The following CPPED1 variants were observed in gnomAD, a reference collection of about 807,000 sequenced individuals.
The protein encoded by CPPED1 is serine/threonine-protein phosphatase CPPED1.
CPPED1 carries 28 observed loss-of-function variants against 28.0 expected under a neutral mutation model. The observed-to-expected ratio is 1.00, with a 90% confidence interval of 0.74 to 1.37. The LOEUF (loss-of-function observed/expected upper bound fraction) is 1.37, where lower values mean the gene tolerates loss of function less well. CPPED1 is among the 40% of genes most tolerant of loss of function. The pLI is 0.00. For missense variants in CPPED1, 504 were observed against 416.5 expected (o/e 1.21, Z -1.83); for synonymous variants, 198 against 180.2 (o/e 1.10, Z -0.79).
At chr16:12,779,961 C>T (rs1040111944) in intron 2 of CPPED1, among the ~76,000 whole-genome samples, 2 of 152,154 alleles carry the variant, frequency 1.3e-5, no homozygotes, top group African/African-American at 2.4e-5. Context: ...TGGGCTTTAT[C>T]TTTGCCTGGG....
At position 12,661,454 on chromosome 16, in the gene CPPED1, ATTAT is replaced by A. The variant is rs1284591042; in HGVS notation, c.*3428_*3431del. The A allele has an allele frequency of 2.6e-5, 4 of 152,250 alleles. No individual in the cohort carries two copies. The highest frequency in any genetic ancestry group is 4.8e-5 in the African/African-American group (2 of 41,458). The allele number at this position is 152,250 out of a possible 1,614,324, so 9.4% of individuals were successfully genotyped here. On this transcript the variant is annotated 3_prime_UTR_variant, in exon 4 of 4. Transcript: ENST00000381774. ...AACTTGACTAAAGATGTGAGATAAA[ATTAT>A]TTATTGTAAAAAGTAAATGATCATC...
chr16:12,764,835 C>T (rs1384920084), intron 2 of CPPED1, among the ~76,000 whole-genome samples: 1 of 152,326 alleles, frequency 6.6e-6, no homozygotes, highest in Non-Finnish European at 1.5e-5. Context: ...TGAGGACAGA[C>T]ACCGTATTTG....
intron 2 of CPPED1, among the ~76,000 whole-genome samples, chr16:12,773,699 G>A (rs1049141269): frequency 3.9e-5 from 6 of 152,144 alleles, no homozygotes; most frequent in East Asian, 1.9e-4. Flanking sequence ...CAGCCTGGGC[G>A]ACAGAGTGAG....
At chr16:12,700,394 C>T (rs1390024859) in intron 3 of CPPED1, among the ~76,000 whole-genome samples, 1 of 152,200 alleles carries the variant, frequency 6.6e-6, no homozygotes, top group African/African-American at 2.4e-5. Context: ...CCACAGAGGC[C>T]ACGTGTTGAA....
At chr16:12,787,033 C>T (rs2080567696) in intron 1 of CPPED1, among the ~76,000 whole-genome samples, 3 of 152,168 alleles carry the variant, frequency 2.0e-5, no homozygotes, top group African/African-American at 7.2e-5. Flanking sequence ...TGTATGTGTA[C>T]ACCCATACGT....
intron 1 of CPPED1, among the ~76,000 whole-genome samples, chr16:12,795,553 TG>T (rs1221549739): frequency 2.0e-5 from 3 of 151,882 alleles, no homozygotes; most frequent in Non-Finnish European, 4.4e-5. Flanking sequence ...TTGGCCAGGC[TG>T]GTCTCAAACT....
At chr16:12,678,502 C>A (rs976718353) in intron 3 of CPPED1, among the ~76,000 whole-genome samples, 1 of 152,038 alleles carries the variant, frequency 6.6e-6, no homozygotes, top group East Asian at 1.9e-4. Context: ...GGGGAAATGC[C>A]GTATTAACAT....
At chr16:12,751,978 C>G (rs775999035) in intron 2 of CPPED1, among the ~76,000 whole-genome samples, 1 of 152,130 alleles carries the variant, frequency 6.6e-6, no homozygotes, top group Non-Finnish European at 1.5e-5. Context: ...AAGTAAAAAG[C>G]AAGCTTCCTA....
chr16:12,704,845 G>C lies in CPPED1; in HGVS notation c.494C>G (p.Ser165Cys). The C allele has an allele frequency of 6.2e-7, 1 of 1,614,200 alleles. No individual in the cohort carries two copies. Among genetic ancestry groups the C allele is most frequent in the Non-Finnish European group, 8.5e-7 (1 of 1,180,026 alleles). ...TTTGGAGGGGTTCTCGTAGAACTGG[G>C]AGTTGAGGACCAGGAACAGGACGCC... is the stretch of plus-strand genomic sequence containing the variant. ...VGGVLFLVLN[S>C]QFYENPSKCP... The change falls in exon 3 of 4, where the codon TCC becomes TGC. Residue 165 changes from serine to cysteine, a missense_variant. By Grantham distance (112) the Ser-to-Cys change is moderately radical. Coordinates refer to ENST00000381774, the MANE Select transcript of CPPED1 (RefSeq NM_018340.3).
chr16:12,718,344 G>A (rs1357964582), intron 2 of CPPED1, among the ~76,000 whole-genome samples: 2 of 152,128 alleles, frequency 1.3e-5, no homozygotes, highest in African/African-American at 2.4e-5. Flanking sequence ...TTCGAGACCA[G>A]CTTGGCCAAC....
chr16:12,662,589 T>C lies in CPPED1; in HGVS notation c.*2297A>G, dbSNP rs957397931. The C allele has an allele frequency of 6.6e-6, 1 of 152,190 alleles. No homozygotes were observed. Among genetic ancestry groups the C allele is most frequent in the Admixed American group, 6.5e-5 (1 of 15,282 alleles). 9.4% of individuals were successfully genotyped at this position (152,190 alleles called of 1,614,324 possible). ...TTGTTCCACACTCTATGTTCATGGG[T>C]ACACTTTATGTAGCTCCCATTTATG... On this transcript the variant is annotated 3_prime_UTR_variant, in exon 4 of 4. Coordinates refer to ENST00000381774, the MANE Select transcript of CPPED1 (RefSeq NM_018340.3).
chr16:12,766,891 C>T (rs1404436105), intron 2 of CPPED1, among the ~76,000 whole-genome samples: 3 of 152,294 alleles, frequency 2.0e-5, no homozygotes, highest in South Asian at 2.1e-4. Context: ...ATTTGCCTAA[C>T]GGCCTCTACA....
intron 2 of CPPED1, among the ~76,000 whole-genome samples, chr16:12,715,782 C>T (rs1388084071): frequency 1.3e-5 from 2 of 152,174 alleles, no homozygotes; most frequent in African/African-American, 2.4e-5. Context: ...CCAGCTTCAC[C>T]GTCCCAAAGT....
intron 2 of CPPED1, among the ~76,000 whole-genome samples, chr16:12,746,835 T>C (rs1413372991): frequency 6.6e-6 from 1 of 151,912 alleles, no homozygotes; most frequent in Admixed American, 6.6e-5. Context: ...AGGTGGACTG[T>C]GAGAAGTTAA....
chr16:12,795,335 G>T (rs1052610744), intron 1 of CPPED1, among the ~76,000 whole-genome samples: 1 of 152,068 alleles, frequency 6.6e-6, no homozygotes, highest in African/African-American at 2.4e-5. Context: ...CAGCCACCTG[G>T]TGTAGTCATG....
At chr16:12,727,001 G>C (rs1002146866) in intron 2 of CPPED1, among the ~76,000 whole-genome samples, 2 of 152,046 alleles carry the variant, frequency 1.3e-5, no homozygotes, top group Non-Finnish European at 2.9e-5. Flanking sequence ...TCAGGGGAAG[G>C]ACGCTGCCCC....
chr16:12,785,846 C>A (rs1315021868), intron 1 of CPPED1, among the ~76,000 whole-genome samples: 3 of 151,922 alleles, frequency 2.0e-5, no homozygotes, highest in Non-Finnish European at 4.4e-5. Flanking sequence ...CCTCTGGAAG[C>A]ACTCTTTTAG....
At chr16:12,749,368 C>T (rs755324453) in intron 2 of CPPED1, among the ~76,000 whole-genome samples, 3 of 152,136 alleles carry the variant, frequency 2.0e-5, no homozygotes, top group African/African-American at 4.8e-5. Context: ...TTCCATAAGA[C>T]GCAACTCCTC....
intron 2 of CPPED1, among the ~76,000 whole-genome samples, chr16:12,769,288 G>A (rs566319316): frequency 3.3e-5 from 5 of 152,212 alleles, no homozygotes; most frequent in South Asian, 2.1e-4. Context: ...TTTGATAACC[G>A]TATTTCAATA....
Sources: allele counts gnomAD v4.1 joint callset (sites outside exome capture counted in the v4.1 genomes callset), GRCh38; gene constraint gnomAD v4.1.1; transcripts MANE v1.5; gene names NCBI Gene and HGNC (gene_info 2026-07-23, HGNC 2026-07-21).